Variants in RASSF3 observed in about 807,000 individuals in gnomAD.
RASSF3 encodes the protein Ras association domain family member 3.
In RASSF3, 19 loss-of-function variants were observed where a neutral mutation model predicts 19.9. That is an observed-to-expected ratio of 0.96 (90% CI 0.67 to 1.40). RASSF3 has a LOEUF of 1.40. Among genes scored for constraint, RASSF3 ranks in the 40% most tolerant of loss-of-function variants. The pLI is 0.00. For synonymous variants in RASSF3, 110 were observed against 104.2 expected (o/e 1.06, Z -0.34); for missense variants, 306 against 289.8 (o/e 1.06, Z -0.41).
intron 1 of RASSF3, among the ~76,000 whole-genome samples, chr12:64,533,838 T>C (rs1868766618): frequency 6.6e-6 from 1 of 152,132 alleles, no homozygotes; most frequent in Non-Finnish European, 1.5e-5. Context: ...GGAAGGAGAA[T>C]TGTGGGAGGT....
At chr12:64,533,206 C>T (rs578006441), upstream of RASSF3, 1 of 152,384 alleles carries the variant, frequency 6.6e-6, no homozygotes, top group East Asian at 1.9e-4. Flanking sequence ...GCCTGGCCGG[C>T]TCAGCCTGTT....
chr12:64,609,239 A>C (rs1870254586), upstream of RASSF3: 1 of 152,180 alleles, frequency 6.6e-6, no homozygotes, highest in African/African-American at 2.4e-5. Flanking sequence ...GATCAACAGA[A>C]CGCAAAGCAG....
intron 1 of RASSF3, among the ~76,000 whole-genome samples, chr12:64,662,649 A>G (rs558972227): frequency 6.6e-6 from 1 of 152,194 alleles, no homozygotes; most frequent in Non-Finnish European, 1.5e-5. Flanking sequence ...TAAAGCTTCC[A>G]TGGTCTCTGC....
At chr12:64,520,338 T>C (rs1372758283) in intron 1 of RASSF3, among the ~76,000 whole-genome samples, 1 of 151,736 alleles carries the variant, frequency 6.6e-6, no homozygotes. Context: ...AATTTTTGTA[T>C]TTTTAGTAGA....
intron 1 of RASSF3, among the ~76,000 whole-genome samples, chr12:64,626,638 G>A (rs1397479834): frequency 6.6e-6 from 1 of 152,082 alleles, no homozygotes; most frequent in African/African-American, 2.4e-5. Flanking sequence ...CCTCACTGTA[G>A]CTAGCCTTGA....
intron 1 of RASSF3, among the ~76,000 whole-genome samples, chr12:64,536,300 G>A (rs953508368): frequency 5.8e-4 from 88 of 152,080 alleles, no homozygotes; most frequent in African/African-American, 2.1e-3. Context: ...ATGAACCACC[G>A]TGCCCAGCCT....
intron 1 of RASSF3, among the ~76,000 whole-genome samples, chr12:64,650,386 A>G (rs1229201063): frequency 1.0e-4 from 15 of 146,540 alleles, no homozygotes; most frequent in African/African-American, 3.8e-4. Context: ...GTCCTCAGCC[A>G]GGAGGTGTTT....
chr12:64,527,229 G>A (rs1024496485), intron 1 of RASSF3, among the ~76,000 whole-genome samples: 4 of 152,188 alleles, frequency 2.6e-5, no homozygotes, highest in African/African-American at 9.7e-5. Context: ...CTCCAGCAGA[G>A]AACCGGACTA....
chr12:64,514,188 C>CTTTTT lies in RASSF3; in HGVS notation c.169+6878_169+6882dup, dbSNP rs138925359. 3.3e-4 allele frequency among the ~76,000 whole-genome samples: 26 copies of CTTTTT among 78,006 alleles called. 1 individual carries two copies. The highest frequency in any genetic ancestry group is 9.7e-4 in the African/African-American group (15 of 15,460). The allele number at this position is 78,006 out of a possible 152,430, so 51.2% of individuals were successfully genotyped here. A position where few individuals can be genotyped will look rare whatever the true frequency, so the allele number is the denominator to read the frequency against. On this transcript the variant is annotated intron_variant, in intron 1 of 5. Coordinates refer to the RASSF3 transcript ENST00000637125. ...AGGCATGAGCCACAGCGCTCAGCCT[C>CTTTTT]TTTTTTTTTTTTTTTTTTTTTTTGA...
chr12:64,536,700 A>T (rs545773356), intron 1 of RASSF3, among the ~76,000 whole-genome samples: 1 of 152,398 alleles, frequency 6.6e-6, no homozygotes, highest in East Asian at 1.9e-4. Context: ...ATAAGGAATT[A>T]TATAGGATTT....
At chr12:64,640,736 G>A (rs559906848) in intron 1 of RASSF3, among the ~76,000 whole-genome samples, 17 of 152,038 alleles carry the variant, frequency 1.1e-4, no homozygotes, top group African/African-American at 1.7e-4. Context: ...TCAACCTCCC[G>A]GGCCCAAGTG....
At chr12:64,665,473 A>G (rs912885919) in intron 1 of RASSF3, among the ~76,000 whole-genome samples, 5 of 152,124 alleles carry the variant, frequency 3.3e-5, no homozygotes, top group African/African-American at 2.4e-5. Context: ...AATAAATACT[A>G]TTAGTGAGGT....
At chr12:64,563,022 T>C (rs1199626886) in intron 2 of RASSF3, among the ~76,000 whole-genome samples, 1 of 152,170 alleles carries the variant, frequency 6.6e-6, no homozygotes, top group Non-Finnish European at 1.5e-5. Flanking sequence ...TCTACTTCTC[T>C]CTATGCCCAC....
At chr12:64,646,518 AG>A (rs1871740007) in intron 1 of RASSF3, among the ~76,000 whole-genome samples, 1 of 152,242 alleles carries the variant, frequency 6.6e-6, no homozygotes, top group Admixed American at 6.5e-5. Flanking sequence ...AGCTTTGCTC[AG>A]CATCTTATTC....
At chr12:64,631,622 AGTGCAGTGGT>A (rs950470110) in intron 1 of RASSF3, among the ~76,000 whole-genome samples, 2 of 152,090 alleles carry the variant, frequency 1.3e-5, no homozygotes, top group Non-Finnish European at 2.9e-5. Flanking sequence ...CCCAGGCTGG[AGTGCAGTGGT>A]GCAATCTCTG....
chr12:64,654,681 A>G (rs1038085215), intron 1 of RASSF3: 13 of 144,366 alleles, frequency 9.0e-5, no homozygotes, highest in African/African-American at 2.8e-4. Flanking sequence ...CCTGGCCAAC[A>G]TGGTGAAACC....
chr12:64,610,369 C>T (rs1227092040), upstream of RASSF3: 2 of 149,486 alleles, frequency 1.3e-5, no homozygotes, highest in Non-Finnish European at 3.0e-5. Context: ...GTCGCGGCCG[C>T]GCGGGGTGGG....
At chr12:64,591,473 T>C (rs1041112300) in intron 2 of RASSF3, among the ~76,000 whole-genome samples, 1 of 107,136 alleles carries the variant, frequency 9.3e-6, no homozygotes, top group Non-Finnish European at 2.1e-5. Context: ...TGAGACTCCA[T>C]CTAAAAAAAA....
intron 1 of RASSF3, among the ~76,000 whole-genome samples, chr12:64,641,421 C>CACGCGCGT (rs1871523786): frequency 6.6e-6 from 1 of 151,586 alleles, no homozygotes; most frequent in African/African-American, 2.4e-5. Context: ...CACACGCGCG[C>CACGCGCGT]GCGCGCGTTG....
Sources: allele counts gnomAD v4.1 joint callset (sites outside exome capture counted in the v4.1 genomes callset), GRCh38; gene constraint gnomAD v4.1.1; transcripts MANE v1.5; gene names NCBI Gene and HGNC (gene_info 2026-07-23, HGNC 2026-07-21).